Variants in IL1RAPL2 observed in about 807,000 individuals in gnomAD.
IL1RAPL2 encodes interleukin 1 receptor accessory protein like 2, also known as X-linked interleukin-1 receptor accessory protein-like 2.
Under a neutral mutation model 44.1 loss-of-function variants are expected in IL1RAPL2, and 3 were observed. The ratio of observed to expected loss-of-function variants is 0.07; its 90% CI spans 0.03 to 0.18. The LOEUF (loss-of-function observed/expected upper bound fraction) is 0.18. Ranked by LOEUF, IL1RAPL2 falls within the 10% of genes least tolerant of loss-of-function variation. The pLI is 1.00. For synonymous variants in IL1RAPL2, 181 were observed against 178.8 expected, an observed-to-expected ratio of 1.01 and a Z score of -0.10; for missense variants, 391 against 496.4, an observed-to-expected ratio of 0.79 and a Z score of 2.02.
chrX:104,798,014 G>A (rs1458776508), intron 2 of IL1RAPL2, among the ~76,000 whole-genome samples: 1 of 111,725 alleles, frequency 9.0e-6, no homozygotes, highest in East Asian at 2.8e-4. Flanking sequence ...AGGGAACTGA[G>A]AGCTAGAGAT....
chrX:105,397,438 G>T (rs5916909), intron 5 of IL1RAPL2, among the ~76,000 whole-genome samples: 5,466 of 110,299 alleles, frequency 0.05, 136 homozygotes, highest in Non-Finnish European at 0.077. Flanking sequence ...GAGTAAATTG[G>T]AATAAATAAA....
intron 2 of IL1RAPL2, among the ~76,000 whole-genome samples, chrX:105,133,970 G>A (rs2033052343): frequency 9.0e-6 from 1 of 111,313 alleles, no homozygotes. Context: ...AGACCTGCAG[G>A]TATTTTCTTA....
At chrX:105,049,262 C>A (rs1293429954) in intron 2 of IL1RAPL2, among the ~76,000 whole-genome samples, 1 of 110,332 alleles carries the variant, frequency 9.1e-6, no homozygotes, top group Non-Finnish European at 1.9e-5. Flanking sequence ...TCTGAAAATG[C>A]TGACATATCT....
At chrX:105,541,530 T>C (rs1205428160) in intron 6 of IL1RAPL2, among the ~76,000 whole-genome samples, 1 of 111,197 alleles carries the variant, frequency 9.0e-6, no homozygotes, top group African/African-American at 3.3e-5. Flanking sequence ...GACAAAGTAG[T>C]TGGGGCAGAT....
intron 6 of IL1RAPL2, among the ~76,000 whole-genome samples, chrX:105,620,316 G>A (rs1446301252): frequency 9.0e-6 from 1 of 111,016 alleles, no homozygotes; most frequent in African/African-American, 3.3e-5. Context: ...CCAAGGTTCA[G>A]GGAAGTGAAG....
chrX:104,666,655 G>C (rs1456822460), intron 2 of IL1RAPL2, among the ~76,000 whole-genome samples: 3 of 112,057 alleles, frequency 2.7e-5, no homozygotes, highest in Non-Finnish European at 5.6e-5. Flanking sequence ...TTGAATGTCT[G>C]TTATTTCTGC....
chrX:104,846,008 G>A (rs1922041499), intron 2 of IL1RAPL2, among the ~76,000 whole-genome samples: 2 of 111,103 alleles, frequency 1.8e-5, no homozygotes, highest in African/African-American at 6.5e-5. Flanking sequence ...AATCTACCTA[G>A]AGTCCATTAT....
chrX:104,952,030 C>T (rs904722659), intron 2 of IL1RAPL2, among the ~76,000 whole-genome samples: 2 of 111,921 alleles, frequency 1.8e-5, no homozygotes, highest in African/African-American at 6.5e-5. Flanking sequence ...CTGTATTGCA[C>T]ATATAAAAAT....
chrX:105,616,887 A>C (rs2037380966), intron 6 of IL1RAPL2, among the ~76,000 whole-genome samples: 1 of 110,463 alleles, frequency 9.1e-6, no homozygotes, highest in Admixed American at 9.8e-5. Flanking sequence ...TGAGTTATTA[A>C]GAGAATGGAC....
At position 104,900,437 on chromosome X, in the gene IL1RAPL2, G is replaced by A. The variant is rs372632766; in HGVS notation, c.82+241442G>A. ...ATACAGTACACAGATTCTTGAAGGCGGAGAGTCTCTGAATAGATATAGTGG... is the reference window on the plus strand; with the variant it reads ...ATACAGTACACAGATTCTTGAAGGCAGAGAGTCTCTGAATAGATATAGTGG... On this transcript the variant is annotated intron_variant, in intron 2 of 10. Coordinates refer to ENST00000372582, the MANE Select transcript of IL1RAPL2 (RefSeq NM_017416.2). 2.6e-4 allele frequency among the ~76,000 whole-genome samples: 29 copies of A among 111,088 alleles called. 1 individual carries two copies. In the East Asian group the frequency reaches 3.1e-3, roughly 12 times the overall value.
intron 2 of IL1RAPL2, among the ~76,000 whole-genome samples, chrX:104,822,099 G>T (rs748547104): frequency 0.014 from 1,537 of 110,731 alleles, 14 homozygotes; most frequent in Non-Finnish European, 0.021. Context: ...GTGTTTTTTT[G>T]TTGTTGTTGT....
rs1367095311 is a variant in IL1RAPL2, at chrX:105,288,920, A to T, written c.697+21379A>T. 4.5e-5 allele frequency among the ~76,000 whole-genome samples: 5 copies of T among 110,992 alleles called. No individual in the cohort carries two copies. In the Admixed American group the frequency reaches 4.8e-4, roughly 11 times the overall value. On this transcript the variant is annotated intron_variant, in intron 5 of 10. Coordinates refer to ENST00000372582, the MANE Select transcript of IL1RAPL2 (RefSeq NM_017416.2). ...CTGATCTTATCATGCTTGTTTTAGT[A>T]TGCTTTTTGGGGTTGTTTTGGTGGT...
intron 2 of IL1RAPL2, among the ~76,000 whole-genome samples, chrX:104,729,679 C>A (rs1931866101): frequency 9.2e-6 from 1 of 108,673 alleles, no homozygotes; most frequent in African/African-American, 3.4e-5. Flanking sequence ...TTCAAGTAGA[C>A]CCCAGTGTAT....
chrX:104,686,796 C>T (rs992487707), intron 2 of IL1RAPL2, among the ~76,000 whole-genome samples: 15 of 112,122 alleles, frequency 1.3e-4, no homozygotes, highest in Admixed American at 3.8e-4. Context: ...ACTCTCCCAC[C>T]GTTTAAACCA....
At chrX:105,301,955 G>T (rs1335224782) in intron 5 of IL1RAPL2, among the ~76,000 whole-genome samples, 2 of 112,076 alleles carry the variant, frequency 1.8e-5, no homozygotes, top group Non-Finnish European at 3.8e-5. Context: ...CTCCGTAGTG[G>T]TTGTACTAAT....
At chrX:104,660,582 AAT>A (rs3055132) in intron 2 of IL1RAPL2, among the ~76,000 whole-genome samples, 1 of 97,443 alleles carries the variant, frequency 1.0e-5, no homozygotes, top group Non-Finnish European at 2.0e-5. Context: ...AAAATATATA[AAT>A]ATATATATAC....
intron 2 of IL1RAPL2, among the ~76,000 whole-genome samples, chrX:104,998,103 G>A (rs1175656113): frequency 1.8e-5 from 2 of 111,336 alleles, no homozygotes; most frequent in African/African-American, 6.5e-5. Context: ...GAATAAAAAA[G>A]GAGAATCCAA....
chrX:104,671,320 T>G (rs756997184), intron 2 of IL1RAPL2, among the ~76,000 whole-genome samples: 1 of 111,486 alleles, frequency 9.0e-6, no homozygotes, highest in Non-Finnish European at 1.9e-5. Flanking sequence ...CTGAGTTATT[T>G]ATCATTCTGA....
At chrX:105,647,294 A>T (rs981402410) in intron 6 of IL1RAPL2, among the ~76,000 whole-genome samples, 2 of 111,774 alleles carry the variant, frequency 1.8e-5, no homozygotes, top group Non-Finnish European at 3.8e-5. Flanking sequence ...GAAAAAAACA[A>T]GGACCAGAAG....
Sources: allele counts gnomAD v4.1 joint callset (sites outside exome capture counted in the v4.1 genomes callset), GRCh38; gene constraint gnomAD v4.1.1; transcripts MANE v1.5; gene names NCBI Gene and HGNC (gene_info 2026-07-23, HGNC 2026-07-21).